Variants in SPOCK3 observed in about 807,000 individuals in gnomAD.
SPOCK3 encodes the protein testican-3.
Under a neutral mutation model 56.6 loss-of-function variants are expected in SPOCK3, and 30 were observed. The ratio of observed to expected loss-of-function variants is 0.53; its 90% CI spans 0.40 to 0.72. SPOCK3 has a LOEUF of 0.72. SPOCK3 is among the 30% of genes least tolerant of loss of function. SPOCK3 has a pLI of 0.00. For missense variants in SPOCK3, 527 were observed against 530.0 expected (o/e 0.99, Z 0.06); for synonymous variants, 196 against 183.3 (o/e 1.07, Z -0.56).
intron 2 of SPOCK3, among the ~76,000 whole-genome samples, chr4:167,134,781 C>T (rs1371138109): frequency 6.6e-6 from 1 of 152,042 alleles, no homozygotes; most frequent in Non-Finnish European, 1.5e-5. Context: ...CCCCACATTG[C>T]TCCATTATAG....
At chr4:166,808,472 G>C (rs1004002943) in intron 6 of SPOCK3, among the ~76,000 whole-genome samples, 8 of 151,356 alleles carry the variant, frequency 5.3e-5, no homozygotes, top group African/African-American at 1.7e-4. Context: ...CTCTCTCTCT[G>C]CCATGTGAGG....
At chr4:167,208,374 G>C (rs1054008054) in intron 2 of SPOCK3, among the ~76,000 whole-genome samples, 1 of 152,100 alleles carries the variant, frequency 6.6e-6, no homozygotes, top group African/African-American at 2.4e-5. Context: ...AGGAAATGTA[G>C]TTGGTTTATT....
At chr4:166,787,263 T>C (rs1007221710) in intron 7 of SPOCK3, among the ~76,000 whole-genome samples, 6 of 152,206 alleles carry the variant, frequency 3.9e-5, no homozygotes, top group Admixed American at 3.3e-4. Flanking sequence ...TCAAAGGTAA[T>C]ATTGTACACA....
chr4:167,011,289 G>A (rs1036302805), intron 3 of SPOCK3: 11 of 455,872 alleles, frequency 2.4e-5, no homozygotes, highest in Admixed American at 1.2e-4. Flanking sequence ...TCCCCAAATC[G>A]TGGAAGGAGA....
At chr4:166,739,424 A>G (rs1734592164) in intron 9 of SPOCK3, among the ~76,000 whole-genome samples, 1 of 151,978 alleles carries the variant, frequency 6.6e-6, no homozygotes, top group Admixed American at 6.6e-5. Flanking sequence ...TGTTTTTAGT[A>G]CAGATGGGGT....
At chr4:167,198,881 T>G (rs1417350784) in intron 2 of SPOCK3, among the ~76,000 whole-genome samples, 1 of 152,152 alleles carries the variant, frequency 6.6e-6, no homozygotes, top group African/African-American at 2.4e-5. Context: ...TAATCAGACC[T>G]ATAATATATG....
intron 3 of SPOCK3, among the ~76,000 whole-genome samples, chr4:167,021,271 A>C (rs928694287): frequency 2.0e-5 from 3 of 152,232 alleles, no homozygotes; most frequent in Middle Eastern, 3.4e-3. Context: ...AAGTCATCTT[A>C]TATAATTTGT....
chr4:167,181,720 G>T (rs1437432461), intron 2 of SPOCK3, among the ~76,000 whole-genome samples: 1 of 152,230 alleles, frequency 6.6e-6, no homozygotes, highest in Non-Finnish European at 1.5e-5. Flanking sequence ...ATAAACATAT[G>T]ATTCTTACCT....
At chr4:166,937,255 T>A (rs1323283182) in intron 4 of SPOCK3, among the ~76,000 whole-genome samples, 1 of 151,906 alleles carries the variant, frequency 6.6e-6, no homozygotes, top group African/African-American at 2.4e-5. Flanking sequence ...GTAATACATT[T>A]CTGGAAATTT....
At chr4:166,971,726 A>T (rs1387669986) in intron 4 of SPOCK3, among the ~76,000 whole-genome samples, 1 of 152,090 alleles carries the variant, frequency 6.6e-6, no homozygotes, top group Admixed American at 6.6e-5. Context: ...CACTAAAGTA[A>T]TGCATTCCCT....
At chr4:166,988,743 T>C (rs1579915571) in intron 4 of SPOCK3, among the ~76,000 whole-genome samples, 1 of 152,078 alleles carries the variant, frequency 6.6e-6, no homozygotes, top group Admixed American at 6.6e-5. Flanking sequence ...GCCTTTTCAA[T>C]TCACATCAAC....
At chr4:166,857,326 C>A (rs772736745) in intron 6 of SPOCK3, among the ~76,000 whole-genome samples, 13 of 152,162 alleles carry the variant, frequency 8.5e-5, no homozygotes, top group Non-Finnish European at 1.8e-4. Context: ...GGAAGCTGAG[C>A]TGCATTCACA....
chr4:167,086,136 T>G, intron 2 of SPOCK3, among the ~76,000 whole-genome samples: 1 of 152,082 alleles, frequency 6.6e-6, no homozygotes, highest in East Asian at 1.9e-4. Flanking sequence ...AAAATAAAAT[T>G]ATTTGATAAT....
chr4:166,768,255 C>T (rs1004806499), intron 7 of SPOCK3, among the ~76,000 whole-genome samples: 4 of 152,086 alleles, frequency 2.6e-5, no homozygotes, highest in Non-Finnish European at 4.4e-5. Flanking sequence ...TTATTTTGCT[C>T]GTTAGTTGAT....
At chr4:166,762,248 G>A (rs926280012) in intron 7 of SPOCK3, among the ~76,000 whole-genome samples, 13 of 152,010 alleles carry the variant, frequency 8.6e-5, no homozygotes, top group African/African-American at 3.1e-4. Context: ...ATGTAGATTA[G>A]GTCCCTATTA....
intron 4 of SPOCK3, among the ~76,000 whole-genome samples, chr4:166,942,693 A>T (rs933835552): frequency 6.6e-6 from 1 of 152,156 alleles, no homozygotes; most frequent in Non-Finnish European, 1.5e-5. Context: ...AAAAGATTAG[A>T]CTAAGAATAC....
At chr4:166,770,025 A>C (rs902139289) in intron 7 of SPOCK3, among the ~76,000 whole-genome samples, 3 of 152,114 alleles carry the variant, frequency 2.0e-5, no homozygotes, top group Non-Finnish European at 2.9e-5. Flanking sequence ...CCGTTCGCTA[A>C]GACCGTTGAA....
chr4:166,768,276 C>T (rs1579167620), intron 7 of SPOCK3, among the ~76,000 whole-genome samples: 2 of 152,296 alleles, frequency 1.3e-5, no homozygotes, highest in Non-Finnish European at 2.9e-5. Context: ...GCAGTTTCTT[C>T]CTAGCCTCGA....
chr4:167,137,897 A>G (rs559534118), intron 2 of SPOCK3, among the ~76,000 whole-genome samples: 1 of 151,994 alleles, frequency 6.6e-6, no homozygotes, highest in Non-Finnish European at 1.5e-5. Flanking sequence ...TGACTCTTCT[A>G]TTGGTTTTAA....
Sources: allele counts gnomAD v4.1 joint callset (sites outside exome capture counted in the v4.1 genomes callset), GRCh38; gene constraint gnomAD v4.1.1; transcripts MANE v1.5; gene names NCBI Gene and HGNC (gene_info 2026-07-23, HGNC 2026-07-21).